DCLK3: variants seen among roughly 807,000 people sequenced by gnomAD.
DCLK3 encodes doublecortin like kinase 3, also known as serine/threonine-protein kinase DCLK3.
In DCLK3, 30 loss-of-function variants were observed where a neutral mutation model predicts 46.4. That is an observed-to-expected ratio of 0.65 (90% CI 0.48 to 0.88). DCLK3 has a LOEUF of 0.88. Among genes scored for constraint, DCLK3 ranks in the 40% least tolerant of loss-of-function variants. The probability of loss-of-function intolerance (pLI) is 0.00; values close to 1 mark genes in which losing one functional copy is unlikely to be tolerated. For missense variants in DCLK3, 846 were observed against 907.1 expected (o/e 0.93, Z 0.87); for synonymous variants, 401 against 339.2 (o/e 1.18, Z -2.00).
At chr3:36,731,364 A>G (rs1020814983) in intron 2 of DCLK3, among the ~76,000 whole-genome samples, 1 of 151,928 alleles carries the variant, frequency 6.6e-6, no homozygotes, top group Non-Finnish European at 1.5e-5. Context: ...AGATGCTGTC[A>G]TATCTCCCAA....
rs768262887 is a variant in DCLK3, at chr3:36,712,492, G to C, written c.*2836C>G. On this transcript the variant is annotated 3_prime_UTR_variant, in exon 5 of 5. Coordinates refer to ENST00000636136, the MANE Select transcript of DCLK3 (RefSeq NM_001394672.2). ...TGCACATAACAAAAGTGTACAATTT[G>C]GTAAGTTTTGACATATATACCCCCA... is the stretch of plus-strand genomic sequence containing the variant. 1 of 152,064 alleles carries C rather than the reference G, an allele frequency of 6.6e-6. No homozygotes were observed. The highest frequency in any genetic ancestry group is 1.5e-5 in the Non-Finnish European group (1 of 68,010). The allele number at this position is 152,064 out of a possible 1,614,324, so 9.4% of individuals were successfully genotyped here.
At chr3:36,751,693 T>C (rs1045634392) in intron 1 of DCLK3, among the ~76,000 whole-genome samples, 1 of 152,252 alleles carries the variant, frequency 6.6e-6, no homozygotes, top group African/African-American at 2.4e-5. Context: ...TTTCTTATGA[T>C]GTTATATCAT....
chr3:36,756,012 G>A (rs1447579882), intron 1 of DCLK3, among the ~76,000 whole-genome samples: 2 of 152,174 alleles, frequency 1.3e-5, no homozygotes, highest in African/African-American at 4.8e-5. Context: ...GCCAGAGCTG[G>A]TCACATAACC....
Position 36,738,332 on chromosome 3 carries a change from T to C in DCLK3, c.835A>G (p.Arg279Gly), listed in dbSNP as rs1575142485. 2 of 1,508,284 alleles carry C rather than the reference T, an allele frequency of 1.3e-6. No individual in the cohort carries two copies. The highest frequency in any genetic ancestry group is 1.8e-6 in the Non-Finnish European group (2 of 1,131,536). The allele number at this position is 1,508,284 out of a possible 1,614,324, so 93.4% of individuals were successfully genotyped here. Reference protein sequence around the residue: ...WEPEPSSKPPREATLEERHAR... With the variant: ...WEPEPSSKPPGEATLEERHAR... ...TGCCTCTCTTCCAGAGTGGCTTCCC[T>C]GGGGGGCTTGCTACTGGGTTCTGGC... Residue 279 changes from arginine to glycine, a missense_variant, in exon 2 of 5, where the codon AGG (arginine) becomes GGG (glycine). Around this residue, in one of 3 missense-constraint regions of DCLK3, gnomAD observed 553 missense variants for 543.0 expected, o/e 1.02. Transcript: ENST00000636136.
chr3:36,723,670 G>A (rs1315812059), intron 2 of DCLK3, among the ~76,000 whole-genome samples: 1 of 152,180 alleles, frequency 6.6e-6, no homozygotes, highest in Non-Finnish European at 1.5e-5. Context: ...GCAAGCCTTG[G>A]TCAATTCCAA....
chr3:36,721,791 C>T, intron 2 of DCLK3, 132 bp from the exon 3 acceptor site: 2 of 1,061,722 alleles, frequency 1.9e-6, no homozygotes, highest in Non-Finnish European at 2.7e-6. Flanking sequence ...CTTAGCCCAA[C>T]ACTGACAAAG....
chr3:36,750,212 C>T (rs1701428251), intron 1 of DCLK3, among the ~76,000 whole-genome samples: 1 of 152,112 alleles, frequency 6.6e-6, no homozygotes, highest in Admixed American at 6.5e-5. Context: ...TCCCGAGTAG[C>T]TAGGATTACA....
chr3:36,747,411 G>C (rs1030581999), intron 1 of DCLK3, among the ~76,000 whole-genome samples: 1 of 151,258 alleles, frequency 6.6e-6, no homozygotes, highest in Non-Finnish European at 1.5e-5. Flanking sequence ...AAAGGGAAAA[G>C]GTTTGAGCTT....
chr3:36,733,708 T>C (rs1293640508), intron 2 of DCLK3, among the ~76,000 whole-genome samples: 1 of 152,192 alleles, frequency 6.6e-6, no homozygotes, highest in Admixed American at 6.5e-5. Flanking sequence ...TTTTGTAAGA[T>C]CTCAGGAGTC....
At chr3:36,716,768 T>C (rs139485380) in intron 4 of DCLK3, among the ~76,000 whole-genome samples, 5 of 152,222 alleles carry the variant, frequency 3.3e-5, no homozygotes, top group African/African-American at 1.2e-4. Flanking sequence ...GCACATCCCC[T>C]AGGCCCCATA....
At chr3:36,717,901 G>T in intron 4 of DCLK3, 109 bp downstream of exon 4, 1 of 1,387,706 alleles carries the variant, frequency 7.2e-7, no homozygotes, top group South Asian at 1.3e-5. Flanking sequence ...GCTGAGACAT[G>T]ACATGTTGAC....
chr3:36,723,579 GACTTGGT>G (rs1263545671), intron 2 of DCLK3, among the ~76,000 whole-genome samples: 1 of 152,172 alleles, frequency 6.6e-6, no homozygotes, highest in Non-Finnish European at 1.5e-5. Context: ...GCAGCCTAGG[GACTTGGT>G]ACCCTGCCTC....
intron 1 of DCLK3, among the ~76,000 whole-genome samples, chr3:36,763,854 C>T (rs953716981): frequency 2.6e-4 from 40 of 152,352 alleles, no homozygotes; most frequent in African/African-American, 9.6e-4. Context: ...CCTCACCGCA[C>T]CTGCACCTTG....
At chr3:36,726,487 C>A (rs1701126780) in intron 2 of DCLK3, among the ~76,000 whole-genome samples, 1 of 152,130 alleles carries the variant, frequency 6.6e-6, no homozygotes, top group South Asian at 2.1e-4. Context: ...GCTCTCAATG[C>A]TCCTACCAGT....
chr3:36,716,200 G>A (rs1034148125), intron 4 of DCLK3, among the ~76,000 whole-genome samples: 3 of 152,114 alleles, frequency 2.0e-5, no homozygotes, highest in Non-Finnish European at 4.4e-5. Flanking sequence ...ATTTCCCCCT[G>A]GCTTGCTGGC....
intron 1 of DCLK3, among the ~76,000 whole-genome samples, chr3:36,752,773 T>G (rs1261077151): frequency 1.3e-5 from 2 of 152,174 alleles, no homozygotes; most frequent in Non-Finnish European, 2.9e-5. Context: ...ATATGACAAT[T>G]TACTTGAAGC....
At chr3:36,751,808 AG>A (rs2125536818) in intron 1 of DCLK3, among the ~76,000 whole-genome samples, 1 of 152,334 alleles carries the variant, frequency 6.6e-6, no homozygotes, top group African/African-American at 2.4e-5. Flanking sequence ...GGTATGTGGT[AG>A]GCTGGCAATG....
At chr3:36,735,385 C>A (rs1359822005) in intron 2 of DCLK3, among the ~76,000 whole-genome samples, 1 of 152,078 alleles carries the variant, frequency 6.6e-6, no homozygotes, top group African/African-American at 2.4e-5. Context: ...TAATTCAGAC[C>A]CCTCATCCAA....
chr3:36,745,818 G>T (rs1701389304), intron 1 of DCLK3, among the ~76,000 whole-genome samples: 1 of 152,172 alleles, frequency 6.6e-6, no homozygotes, highest in African/African-American at 2.4e-5. Flanking sequence ...AGAAACATTT[G>T]TGAACTTACA....
Sources: allele counts gnomAD v4.1 joint callset (sites outside exome capture counted in the v4.1 genomes callset), GRCh38; gene constraint gnomAD v4.1.1; regional missense constraint gnomAD v4.1.1; transcripts MANE v1.5; gene names NCBI Gene and HGNC (gene_info 2026-07-23, HGNC 2026-07-21).